The following TRPS1 variants were observed in gnomAD, a reference collection of about 807,000 sequenced individuals.
TRPS1 encodes transcriptional repressor GATA binding 1.
Under a neutral mutation model 101.2 loss-of-function variants are expected in TRPS1, and 6 were observed. The ratio of observed to expected loss-of-function variants is 0.06; its 90% confidence interval spans 0.03 to 0.12. TRPS1 has a LOEUF of 0.12. TRPS1 is among the 10% of genes least tolerant of loss of function. The pLI is 1.00. For missense variants in TRPS1, 1,363 were observed against 1,567.0 expected, an observed-to-expected ratio of 0.87 and a Z score of 2.20; for synonymous variants, 578 against 589.8, an observed-to-expected ratio of 0.98 and a Z score of 0.29.
chr8:115,594,056 T>C (rs575413773), intron 4 of TRPS1, among the ~76,000 whole-genome samples: 2 of 152,220 alleles, frequency 1.3e-5, no homozygotes, highest in African/African-American at 4.8e-5. Flanking sequence ...GCTCTGGATG[T>C]TCAGGATGCT....
chr8:115,608,880 C>T (rs975905617), intron 3 of TRPS1, among the ~76,000 whole-genome samples: 1 of 147,516 alleles, frequency 6.8e-6, no homozygotes, highest in South Asian at 2.1e-4. Context: ...GGGTCTCAGT[C>T]TGTCACCCAG....
chr8:115,506,272 C>A (rs1815441236), intron 5 of TRPS1, among the ~76,000 whole-genome samples: 1 of 151,818 alleles, frequency 6.6e-6, no homozygotes, highest in Non-Finnish European at 1.5e-5. Context: ...ATGGGGGTGA[C>A]TTTTCATATA....
intron 5 of TRPS1, among the ~76,000 whole-genome samples, chr8:115,434,608 T>C (rs1470639963): frequency 2.6e-5 from 4 of 152,178 alleles, no homozygotes; most frequent in Non-Finnish European, 5.9e-5. Context: ...ATTAGAGAAA[T>C]AGTCATTTTT....
At chr8:115,500,996 A>AG (rs11407029) in intron 5 of TRPS1, among the ~76,000 whole-genome samples, 152,195 of 152,198 alleles carry the variant, frequency 1, 76,096 homozygotes, top group Non-Finnish European at 1. Flanking sequence ...ATCTTTCTAT[A>AG]GGTAATTTAT....
At chr8:115,565,043 C>T (rs779439790) in intron 5 of TRPS1, among the ~76,000 whole-genome samples, 1 of 151,962 alleles carries the variant, frequency 6.6e-6, no homozygotes, top group Non-Finnish European at 1.5e-5. Flanking sequence ...ATGGAGAATA[C>T]TTAGAGGAAA....
intron 4 of TRPS1, among the ~76,000 whole-genome samples, chr8:115,594,012 T>A (rs1185952916): frequency 6.6e-6 from 1 of 152,130 alleles, no homozygotes; most frequent in Non-Finnish European, 1.5e-5. Context: ...TGACAGTAAG[T>A]ATCTGCTTAA....
chr8:115,657,208 T>C (rs1230572143), intron 1 of TRPS1, among the ~76,000 whole-genome samples: 1 of 152,116 alleles, frequency 6.6e-6, no homozygotes, highest in Non-Finnish European at 1.5e-5. Context: ...ACATTCACTG[T>C]TATATTTTCC....
intron 4 of TRPS1, 73 bp from the exon 5 acceptor site, chr8:115,587,677 C>A: frequency 1.2e-6 from 2 of 1,607,074 alleles, no homozygotes; most frequent in Non-Finnish European, 1.7e-6. Context: ...AGCCTTTAAG[C>A]ACCTGAATTT....
At chr8:115,504,147 C>T (rs1007576074) in intron 5 of TRPS1, among the ~76,000 whole-genome samples, 4 of 152,154 alleles carry the variant, frequency 2.6e-5, no homozygotes, top group Admixed American at 2.0e-4. Context: ...GGCTTCAATT[C>T]CACTACAACA....
chr8:115,622,757 AG>A (rs1818423554), intron 2 of TRPS1, among the ~76,000 whole-genome samples: 1 of 152,204 alleles, frequency 6.6e-6, no homozygotes, highest in African/African-American at 2.4e-5. Context: ...ATCAAAAGAC[AG>A]GACTCACAAA....
intron 5 of TRPS1, among the ~76,000 whole-genome samples, chr8:115,451,445 C>G (rs1314322274): frequency 6.6e-6 from 1 of 151,942 alleles, no homozygotes; most frequent in Non-Finnish European, 1.5e-5. Flanking sequence ...GCACTGATAC[C>G]AAATTTCAAA....
At position 115,454,313 on chromosome 8, in the gene TRPS1, T is replaced by C. The variant is rs181752896; in HGVS notation, c.2701-35861A>G. 4.8e-3 allele frequency among the ~76,000 whole-genome samples: 732 copies of C among 152,364 alleles called. 4 individuals carry two copies. Among genetic ancestry groups the C allele is most frequent in the Middle Eastern group, 0.014 (4 of 294 alleles). On this transcript the variant is annotated intron_variant, in intron 5 of 6. Coordinates refer to ENST00000395715, the MANE Select transcript of TRPS1 (RefSeq NM_014112.5). ...AATAGTTTTCTGGTAATGTTTTGAATTATCCTACTTGTACTACTGTACTTC... is the reference window on the plus strand; with the variant it reads ...AATAGTTTTCTGGTAATGTTTTGAACTATCCTACTTGTACTACTGTACTTC...
chr8:115,556,798 C>T (rs1586399450), intron 5 of TRPS1, among the ~76,000 whole-genome samples: 2 of 152,148 alleles, frequency 1.3e-5, no homozygotes, highest in Admixed American at 6.5e-5. Context: ...TTTTATGATG[C>T]TAAGTATGCA....
At chr8:115,419,160 C>A (rs751382571) in intron 5 of TRPS1, among the ~76,000 whole-genome samples, 17 of 152,076 alleles carry the variant, frequency 1.1e-4, no homozygotes, top group Non-Finnish European at 2.2e-4. Context: ...TTGGAAATCA[C>A]AAGGGTTTCC....
chr8:115,491,137 T>A (rs1195167723), intron 5 of TRPS1, among the ~76,000 whole-genome samples: 1 of 152,214 alleles, frequency 6.6e-6, no homozygotes, highest in Non-Finnish European at 1.5e-5. Flanking sequence ...CTTTACCTTG[T>A]AATAATTAGA....
chr8:115,610,504 C>T (rs558843104), intron 3 of TRPS1, among the ~76,000 whole-genome samples: 175 of 152,216 alleles, frequency 1.1e-3, no homozygotes, highest in Non-Finnish European at 4.0e-4. Context: ...GACTCTCATG[C>T]CATCCATAGC....
chr8:115,499,744 G>A (rs1016559432), intron 5 of TRPS1, among the ~76,000 whole-genome samples: 1 of 152,054 alleles, frequency 6.6e-6, no homozygotes, highest in African/African-American at 2.4e-5. Flanking sequence ...GTTCTTGTAG[G>A]TTTAAAAAAT....
chr8:115,523,935 T>C (rs1246045976), intron 5 of TRPS1, among the ~76,000 whole-genome samples: 1 of 152,152 alleles, frequency 6.6e-6, no homozygotes, highest in Non-Finnish European at 1.5e-5. Context: ...TCCAAAATAG[T>C]TTTAAGACTA....
rs950415045 is a variant in TRPS1, at chr8:115,426,624, G to A, written c.2701-8172C>T. ...GCTATATACAATTCAGTGGTTCCTC[G>A]ATGGTTTCTCACACTCTTGGGGATC... On this transcript the variant is annotated intron_variant, in intron 5 of 6. Transcript: ENST00000395715. Among the ~76,000 whole-genome samples, 22 of 152,204 alleles carry A rather than the reference G, an allele frequency of 1.4e-4. No individual in the cohort carries two copies. In the South Asian group the frequency reaches 1.7e-3, roughly 11 times the overall value.
Sources: allele counts gnomAD v4.1 joint callset (sites outside exome capture counted in the v4.1 genomes callset), GRCh38; gene constraint gnomAD v4.1.1; transcripts MANE v1.5; gene names NCBI Gene and HGNC (gene_info 2026-07-23, HGNC 2026-07-21).